The following TENM4 variants were observed in gnomAD, a reference collection of about 807,000 sequenced individuals.
The protein encoded by TENM4 is teneurin-4.
Under a neutral mutation model 243.3 loss-of-function variants are expected in TENM4, and 82 were observed. The ratio of observed to expected loss-of-function variants is 0.34; its 90% CI spans 0.28 to 0.40. The LOEUF is 0.40. Among genes scored for constraint, TENM4 ranks in the 10% least tolerant of loss-of-function variants. TENM4 has a pLI of 1.00. For missense variants in TENM4, 3,138 were observed against 3,673.3 expected, an observed-to-expected ratio of 0.85 and a Z score of 3.77; for synonymous variants, 1,412 against 1,456.3, an observed-to-expected ratio of 0.97 and a Z score of 0.69.
chr11:79,290,140 A>G (rs1856330052), intron 2 of TENM4, among the ~76,000 whole-genome samples: 1 of 152,052 alleles, frequency 6.6e-6, no homozygotes, highest in African/African-American at 2.4e-5. Context: ...TCTATAAATG[A>G]TGGGTTGGCT....
chr11:78,722,621 C>A, intron 24 of TENM4, 47 bp downstream of exon 24: 1 of 1,584,450 alleles, frequency 6.3e-7, no homozygotes, highest in Non-Finnish European at 8.6e-7. Flanking sequence ...CAAAGGATGG[C>A]AAAGGCATAT....
chr11:79,244,523 G>A (rs926662734), intron 2 of TENM4, among the ~76,000 whole-genome samples: 3 of 152,062 alleles, frequency 2.0e-5, no homozygotes, highest in Admixed American at 6.6e-5. Context: ...GTGGTGATAG[G>A]AGAGGCCAGA....
In TENM4 at chr11:78,805,278, C is replaced by CCCCACCCACCACACCCCCA; in HGVS notation, c.2179+13_2179+14insTGGGGGTGTGGTGGGTGGG. On this transcript the variant is annotated intron_variant, in intron 15 of 33. Coordinates refer to ENST00000278550, the MANE Select transcript of TENM4 (RefSeq NM_001098816.3). ...CCCTCCCTCTACCCATGCTTCTTCT[C>CCCCACCCACCACACCCCCA]CCCCTGCATTTACCGATAGAACAGT... is the stretch of plus-strand genomic sequence containing the variant. 6.9e-7 allele frequency: 1 copy of CCCCACCCACCACACCCCCA among 1,442,340 alleles called. No homozygotes were observed. Among genetic ancestry groups the CCCCACCCACCACACCCCCA allele is most frequent in the Non-Finnish European group, 9.4e-7 (1 of 1,063,264 alleles). The allele number at this position is 1,442,340 out of a possible 1,614,324, so 89.3% of individuals were successfully genotyped here.
chr11:78,956,582 C>T (rs1189518288), intron 6 of TENM4, among the ~76,000 whole-genome samples: 1 of 152,220 alleles, frequency 6.6e-6, no homozygotes, highest in Non-Finnish European at 1.5e-5. Flanking sequence ...CTGTATCATG[C>T]TGTCTAGTTT....
At chr11:79,320,700 G>T (rs1356589113) in intron 1 of TENM4, among the ~76,000 whole-genome samples, 1 of 152,100 alleles carries the variant, frequency 6.6e-6, no homozygotes, top group African/African-American at 2.4e-5. Flanking sequence ...ATTACTAAGG[G>T]CTTATTCTGT....
intron 4 of TENM4, among the ~76,000 whole-genome samples, chr11:79,095,633 T>C (rs545913340): frequency 6.6e-6 from 1 of 152,104 alleles, no homozygotes; most frequent in African/African-American, 2.4e-5. Context: ...GCCCCTCTGG[T>C]GACTAACCTG....
At chr11:78,966,193 TAAA>T (rs34603312) in intron 6 of TENM4, among the ~76,000 whole-genome samples, 10 of 131,590 alleles carry the variant, frequency 7.6e-5, no homozygotes, top group Admixed American at 7.8e-5. Context: ...AAAGGAAAAT[TAAA>T]AAAAAAAAAA....
chr11:78,755,800 C>T (rs564184859), intron 19 of TENM4, among the ~76,000 whole-genome samples: 1 of 152,266 alleles, frequency 6.6e-6, no homozygotes, highest in East Asian at 1.9e-4. Context: ...CCTTACCCTT[C>T]CTACCCCCAT....
chr11:78,958,768 TCATTTTCACCCTTTAGGAGCCAAAGAGG>T (rs1485788603), intron 6 of TENM4, among the ~76,000 whole-genome samples: 2 of 152,232 alleles, frequency 1.3e-5, no homozygotes, highest in Non-Finnish European at 2.9e-5. Context: ...GGAAACTGTC[TCATTTTCACCCTTTAGGAGCCAAAGAGG>T]CATTCTTTGT....
At chr11:79,128,677 G>A (rs1248039834) in intron 4 of TENM4, among the ~76,000 whole-genome samples, 1 of 152,198 alleles carries the variant, frequency 6.6e-6, no homozygotes, top group South Asian at 2.1e-4. Flanking sequence ...CTTTTGAAAG[G>A]ATATCTCTGA....
intron 9 of TENM4, among the ~76,000 whole-genome samples, chr11:78,878,116 C>T (rs554930196): frequency 1.3e-5 from 2 of 152,172 alleles, no homozygotes; most frequent in Non-Finnish European, 2.9e-5. Flanking sequence ...CACTTTCCAC[C>T]TTTGATCTCT....
At position 79,152,861 on chromosome 11, in the gene TENM4, C is replaced by T. The variant is rs138153335; in HGVS notation, c.-162-4055G>A. ...TGTCCAAACTCACCTTTTCAATGCA[C>T]AGGAAAACCCAACGGCATTCATCAA... On this transcript the variant is annotated intron_variant, in intron 3 of 33. Coordinates refer to ENST00000278550, the MANE Select transcript of TENM4 (RefSeq NM_001098816.3). 4.6e-5 allele frequency among the ~76,000 whole-genome samples: 7 copies of T among 152,348 alleles called. No individual in the cohort carries two copies. In the East Asian group the frequency reaches 1.3e-3, roughly 29 times the overall value.
At chr11:79,025,905 C>A (rs1427342327) in intron 6 of TENM4, among the ~76,000 whole-genome samples, 2 of 152,188 alleles carry the variant, frequency 1.3e-5, no homozygotes, top group Admixed American at 6.5e-5. Flanking sequence ...GGGACACATG[C>A]ACTCTGCTTG....
At chr11:78,873,357 C>G (rs1212555606) in intron 9 of TENM4, among the ~76,000 whole-genome samples, 1 of 152,194 alleles carries the variant, frequency 6.6e-6, no homozygotes. Context: ...CTATACTGTA[C>G]CAAGCACTGT....
Position 79,146,689 on chromosome 11 carries a change from C to T in TENM4, c.-66+2021G>A, listed in dbSNP as rs530987523. On this transcript the variant is annotated intron_variant, in intron 4 of 33. Transcript: ENST00000278550. ...CCACTAACCAAGGGAGAAAGACTCTCCCATATCCTAAGCACTTTCTTGGTG... is the reference window on the plus strand; with the variant it reads ...CCACTAACCAAGGGAGAAAGACTCTTCCATATCCTAAGCACTTTCTTGGTG... 1.0e-3 allele frequency among the ~76,000 whole-genome samples: 152 copies of T among 152,166 alleles called. 1 individual carries two copies. Among genetic ancestry groups the T allele is most frequent in the African/African-American group, 3.6e-3 (149 of 41,528 alleles).
intron 12 of TENM4, among the ~76,000 whole-genome samples, chr11:78,835,498 C>G (rs538250620): frequency 6.6e-6 from 1 of 152,246 alleles, no homozygotes; most frequent in African/African-American, 2.4e-5. Context: ...GAGCAAGACT[C>G]TGTCTCAAAC....
intron 4 of TENM4, among the ~76,000 whole-genome samples, chr11:79,111,628 T>A (rs1474581674): frequency 6.6e-6 from 1 of 152,174 alleles, no homozygotes; most frequent in African/African-American, 2.4e-5. Flanking sequence ...CGGGTATGTC[T>A]TTGTCAGAAG....
chr11:79,407,539 C>T (rs1858598611), intron 1 of TENM4, among the ~76,000 whole-genome samples: 1 of 152,182 alleles, frequency 6.6e-6, no homozygotes, highest in South Asian at 2.1e-4. Flanking sequence ...AGTAACTTTC[C>T]CAAGATCCTG....
At chr11:79,349,543 A>T (rs555327797) in intron 1 of TENM4, among the ~76,000 whole-genome samples, 1 of 152,306 alleles carries the variant, frequency 6.6e-6, no homozygotes, top group Admixed American at 6.5e-5. Context: ...TGTAGCACAC[A>T]CCATTCCAGG....
Sources: gnomAD v4.1 joint callset for allele counts (sites outside exome capture counted in the v4.1 genomes callset) on GRCh38, gnomAD v4.1.1 for gene constraint, MANE v1.5 for transcripts, NCBI Gene and HGNC (gene_info 2026-07-23, HGNC 2026-07-21) for gene names.